The following METTL21C variants were observed in gnomAD, a reference collection of about 807,000 sequenced individuals.
The protein encoded by METTL21C is methyltransferase 21C, AARS1 lysine, also known as protein-lysine methyltransferase METTL21C.
In METTL21C, 21 loss-of-function variants were observed where a neutral mutation model predicts 25.9. That is an observed-to-expected ratio of 0.81 (90% confidence interval 0.58 to 1.17). The LOEUF is 1.17. Among genes scored for constraint, METTL21C ranks in the 50% most tolerant of loss-of-function variants. The pLI is 0.00. For synonymous variants in METTL21C, 125 were observed against 124.7 expected (o/e 1.00, Z -0.01); for missense variants, 312 against 315.1 (o/e 0.99, Z 0.07).
intron 1 of METTL21C, among the ~76,000 whole-genome samples, chr13:102,692,568 A>G (rs1271456504): frequency 1.4e-5 from 2 of 141,122 alleles, no homozygotes; most frequent in Admixed American, 6.9e-5. Context: ...TGTGCAGCAC[A>G]CTAAAAAAAA....
chr13:102,702,858 T>C, the METTL21C span, among the ~76,000 whole-genome samples: 2 of 152,182 alleles, frequency 1.3e-5, no homozygotes, highest in African/African-American at 4.8e-5. Flanking sequence ...CCCAAAGTGC[T>C]AGGATTACAG....
chr13:102,693,840 A>T (rs1356962310), intron 1 of METTL21C, among the ~76,000 whole-genome samples: 1 of 152,194 alleles, frequency 6.6e-6, no homozygotes, highest in African/African-American at 2.4e-5. Flanking sequence ...GTTGGGATAC[A>T]TTTTTTACCA....
At chr13:102,700,907 A>G in the METTL21C span, among the ~76,000 whole-genome samples, 312 of 151,990 alleles carry the variant, frequency 2.1e-3, no homozygotes, top group South Asian at 0.012. Flanking sequence ...CGTTCTTTCC[A>G]TAGCGCCGTC....
chr13:102,695,548 C>T (rs76629887), upstream of METTL21C, among the ~76,000 whole-genome samples: 1,079 of 152,262 alleles, frequency 7.1e-3, 6 homozygotes, highest in African/African-American at 0.017. Context: ...GTGTTTTAAC[C>T]TGAGTAGATA....
intron 2 of METTL21C, among the ~76,000 whole-genome samples, chr13:102,689,954 G>T (rs1159566481): frequency 6.6e-6 from 1 of 152,218 alleles, no homozygotes; most frequent in Non-Finnish European, 1.5e-5. Flanking sequence ...GCAAACGGAG[G>T]TGAGGTGAAC....
In METTL21C at chr13:102,694,969, G is replaced by A. The variant is rs147120599; in HGVS notation, c.-471C>T. On this transcript the variant is annotated 5_prime_UTR_variant, in exon 1 of 4. Coordinates refer to ENST00000267273, the MANE Select transcript of METTL21C (RefSeq NM_001010977.3). Reference sequence around the variant, plus strand: ...ACATTCAATGGAATTCCCTTCAAAAGTTTCAGGAATATCACTGGAACAGAA... The same window carrying A: ...ACATTCAATGGAATTCCCTTCAAAAATTTCAGGAATATCACTGGAACAGAA... Among the ~76,000 whole-genome samples, 8 of 150,822 alleles carry A rather than the reference G, an allele frequency of 5.3e-5. No homozygotes were observed. In the East Asian group the frequency reaches 1.4e-3, roughly 26 times the overall value.
At chr13:102,690,164 T>A (rs1885788713) in intron 2 of METTL21C, among the ~76,000 whole-genome samples, 2 of 152,134 alleles carry the variant, frequency 1.3e-5, no homozygotes, top group South Asian at 2.1e-4. Context: ...TTCACGCTTG[T>A]AATCCCAGCA....
In METTL21C at chr13:102,694,351, G is replaced by T; in HGVS notation, c.130+18C>A. 6.3e-7 allele frequency: 1 copy of T among 1,598,598 alleles called. No individual in the cohort carries two copies. Among genetic ancestry groups the T allele is most frequent in the South Asian group, 1.1e-5 (1 of 90,694 alleles). ...AACAACTGAGGAAAACTGTTGAAGT[G>T]ATGAAGAAGGAGGTTACCTTCTAGG... On this transcript the variant is annotated intron_variant, in intron 1 of 3. Coordinates refer to ENST00000267273, the MANE Select transcript of METTL21C (RefSeq NM_001010977.3).
chr13:102,693,787 G>T (rs9518813), intron 1 of METTL21C, among the ~76,000 whole-genome samples: 1 of 152,016 alleles, frequency 6.6e-6, no homozygotes, highest in Non-Finnish European at 1.5e-5. Context: ...GCATTTTTAC[G>T]TAAACAATGC....
upstream of METTL21C, among the ~76,000 whole-genome samples, chr13:102,696,816 G>T (rs944500310): frequency 6.6e-5 from 10 of 152,144 alleles, no homozygotes; most frequent in African/African-American, 2.4e-4. Context: ...GTAGCTCCTG[G>T]CACATAGTAG....
At chr13:102,702,989 G>A in the METTL21C span, among the ~76,000 whole-genome samples, 5 of 152,120 alleles carry the variant, frequency 3.3e-5, no homozygotes, top group Admixed American at 2.0e-4. Flanking sequence ...AAGTACCATG[G>A]AATAAAATAT....
intron 1 of METTL21C, 55 bp downstream of exon 1, chr13:102,694,314 C>A: frequency 1.3e-6 from 2 of 1,563,720 alleles, no homozygotes; most frequent in Non-Finnish European, 1.7e-6. Flanking sequence ...TTGAAGATGT[C>A]ATCGCCAGGA....
chr13:102,690,618 A>G (rs890122524), intron 2 of METTL21C, among the ~76,000 whole-genome samples, 195 bp downstream of exon 2: 8 of 151,980 alleles, frequency 5.3e-5, no homozygotes, highest in Non-Finnish European at 8.8e-5. Context: ...CTTGAAGCAA[A>G]ACCAGTGTTT....
rs549214015 is a variant in METTL21C, at chr13:102,688,691, A to G, written c.283-1634T>C. Reference sequence around the variant, plus strand: ...TGTGGGGGCTGGGAGGAGGGGGTCAATGTCAGGAAAAGAGTGTCACCTAGA... The same window carrying G: ...TGTGGGGGCTGGGAGGAGGGGGTCAGTGTCAGGAAAAGAGTGTCACCTAGA... On this transcript the variant is annotated intron_variant, in intron 2 of 3. Coordinates refer to ENST00000267273, the MANE Select transcript of METTL21C (RefSeq NM_001010977.3). Among the ~76,000 whole-genome samples the G allele has an allele frequency of 7.9e-4, 120 of 152,266 alleles. 1 individual carries two copies. The highest frequency in any genetic ancestry group is 2.8e-3 in the African/African-American group (117 of 41,554).
Position 102,686,397 on chromosome 13 carries a change from A to C in METTL21C, c.429T>G (p.Pro143=). The part of the protein sequence containing the change: ...LGAQVTATDL[P]DVLGNLQYNL... The stretch of plus-strand genomic sequence containing the variant: ...TGTATTGAAGGTTTCCCAGGACATC[A>C]GGCAAATCTGTTGCTGTGACTTGAG... Residue 143 remains proline, a synonymous_variant, in exon 4 of 4, where the codon CCT becomes CCG. Transcript: ENST00000267273. 6.2e-7 allele frequency: 1 copy of C among 1,613,178 alleles called. No individual in the cohort carries two copies. The highest frequency in any genetic ancestry group is 8.5e-7 in the Non-Finnish European group (1 of 1,179,476).
chr13:102,688,754 T>A (rs1214479048), intron 2 of METTL21C, among the ~76,000 whole-genome samples: 2 of 152,178 alleles, frequency 1.3e-5, no homozygotes, highest in African/African-American at 4.8e-5. Context: ...TTCCTGGAGA[T>A]GGCTGCAGGG....
upstream of METTL21C, among the ~76,000 whole-genome samples, chr13:102,698,887 G>A (rs1393217162): frequency 6.6e-6 from 1 of 152,176 alleles, no homozygotes; most frequent in East Asian, 1.9e-4. Flanking sequence ...GGCTGCTCTG[G>A]TTCCAGAGAT....
chr13:102,690,062 G>T (rs1466061379), intron 2 of METTL21C, among the ~76,000 whole-genome samples: 2 of 152,172 alleles, frequency 1.3e-5, no homozygotes, highest in Non-Finnish European at 2.9e-5. Context: ...TGTGGCAGGG[G>T]TGACATGCCA....
chr13:102,692,597 C>T (rs1885859108), intron 1 of METTL21C, among the ~76,000 whole-genome samples: 1 of 152,096 alleles, frequency 6.6e-6, no homozygotes, highest in African/African-American at 2.4e-5. Flanking sequence ...TGAAGTGACT[C>T]ATTTGTAAAT....
Sources: allele counts gnomAD v4.1 joint callset (sites outside exome capture counted in the v4.1 genomes callset), GRCh38; gene constraint gnomAD v4.1.1; transcripts MANE v1.5; gene names NCBI Gene and HGNC (gene_info 2026-07-23, HGNC 2026-07-21).